The following HERC4 variants were observed in gnomAD, a reference collection of about 807,000 sequenced individuals.
HERC4 encodes the protein probable E3 ubiquitin-protein ligase HERC4.
A neutral mutation model predicts 124.3 loss-of-function variants in HERC4; 28 were observed. The ratio of observed to expected loss-of-function variants is 0.23; its 90% CI spans 0.17 to 0.31. The LOEUF is 0.31. Ranked by LOEUF, HERC4 falls within the 10% of genes least tolerant of loss-of-function variation. The pLI is 1.00. For missense variants in HERC4, 713 were observed against 1,229.3 expected (o/e 0.58, Z 6.28); for synonymous variants, 407 against 421.5 (o/e 0.97, Z 0.42).
chr10:67,994,244 C>G (rs1311431376), intron 9 of HERC4: 1 of 152,096 alleles, frequency 6.6e-6, no homozygotes, highest in Non-Finnish European at 1.5e-5. Flanking sequence ...TCTCACAAAT[C>G]TATATGGAAT....
In HERC4 at chr10:67,989,067, G is replaced by C. The variant is rs149036236; in HGVS notation, c.1634-232C>G. Among the ~76,000 whole-genome samples the C allele has an allele frequency of 4.4e-3, 667 of 152,064 alleles. 4 individuals carry two copies. Among genetic ancestry groups the C allele is most frequent in the Non-Finnish European group, 7.3e-3 (494 of 67,886 alleles). On this transcript the variant is annotated intron_variant, in intron 14 of 24. Coordinates refer to ENST00000373700, the MANE Select transcript of HERC4 (RefSeq NM_015601.4). ...TCAAAAGCAAAAATAAAGTGTGAAA[G>C]TCTTGTTGAATTTATATTCTTGGTT...
intron 15 of HERC4, among the ~76,000 whole-genome samples, chr10:67,985,566 G>C (rs898627009): frequency 1.3e-5 from 2 of 152,152 alleles, no homozygotes; most frequent in African/African-American, 4.8e-5. Context: ...AAAATAGTTT[G>C]AAAATCACTG....
intron 15 of HERC4, among the ~76,000 whole-genome samples, chr10:67,981,271 T>C (rs1028845065): frequency 1.5e-4 from 23 of 152,052 alleles, no homozygotes; most frequent in African/African-American, 5.1e-4. Context: ...ATTACAAAAG[T>C]GTAAGAAGAG....
intron 9 of HERC4, chr10:67,994,927 T>C (rs1161729841): frequency 5.5e-6 from 1 of 180,270 alleles, no homozygotes; most frequent in Non-Finnish European, 1.2e-5. Context: ...TGACCTCAAG[T>C]GATCTGCCCA....
At chr10:67,950,762 A>G (rs914836572) in intron 19 of HERC4, among the ~76,000 whole-genome samples, 1 of 152,224 alleles carries the variant, frequency 6.6e-6, no homozygotes, top group African/African-American at 2.4e-5. Flanking sequence ...AATATAGATA[A>G]GTCTATGGAT....
intron 14 of HERC4, among the ~76,000 whole-genome samples, chr10:67,989,525 T>C (rs1013684775): frequency 3.9e-5 from 6 of 152,052 alleles, no homozygotes; most frequent in African/African-American, 1.4e-4. Flanking sequence ...TTCCTCCATT[T>C]ACCCTCAGCC....
intron 8 of HERC4, among the ~76,000 whole-genome samples, chr10:68,020,964 C>T (rs983962733): frequency 6.6e-6 from 1 of 151,924 alleles, no homozygotes; most frequent in African/African-American, 2.4e-5. Flanking sequence ...CCATAGGATA[C>T]CATTAAGCAG....
intron 9 of HERC4, chr10:68,010,403 A>G: frequency 1.0e-6 from 1 of 985,886 alleles, no homozygotes; most frequent in Admixed American, 2.0e-5. Flanking sequence ...CAGCCTCAAA[A>G]TCCTCTCATG....
chr10:68,001,932 T>A (rs1564532197), intron 9 of HERC4, among the ~76,000 whole-genome samples: 1 of 152,182 alleles, frequency 6.6e-6, no homozygotes, highest in African/African-American at 2.4e-5. Context: ...AGGTATACAA[T>A]ATTTTTTTTC....
chr10:67,926,497 T>C (rs569979862), intron 23 of HERC4, among the ~76,000 whole-genome samples: 29 of 152,228 alleles, frequency 1.9e-4, no homozygotes, highest in African/African-American at 6.3e-4. Flanking sequence ...TACTGTGAAC[T>C]GTTCTTATCC....
intron 3 of HERC4, among the ~76,000 whole-genome samples, chr10:68,048,371 C>A (rs1232466114): frequency 6.6e-6 from 1 of 152,104 alleles, no homozygotes; most frequent in Admixed American, 6.5e-5. Context: ...CATGAAAAGA[C>A]ATGGAAGAAA....
At chr10:67,938,099 GT>G (rs1447497746) in intron 21 of HERC4, among the ~76,000 whole-genome samples, 1 of 152,058 alleles carries the variant, frequency 6.6e-6, no homozygotes, top group Admixed American at 6.6e-5. Flanking sequence ...TAAAGAGAAT[GT>G]TGTGTGTGTG....
intron 4 of HERC4, among the ~76,000 whole-genome samples, chr10:68,043,343 G>T (rs1270879481): frequency 6.6e-6 from 1 of 152,012 alleles, no homozygotes; most frequent in Non-Finnish European, 1.5e-5. Flanking sequence ...TTAAAATCCT[G>T]TTCTATAAGA....
In HERC4 at chr10:68,038,142, C is replaced by T. The variant is rs1338347643; in HGVS notation, c.414G>A (p.Gln138=). 4 of 1,536,104 alleles carry T rather than the reference C, an allele frequency of 2.6e-6. No individual in the cohort carries two copies. Among genetic ancestry groups the T allele is most frequent in the Admixed American group, 2.4e-5 (1 of 42,344 alleles). Residue 138 remains glutamine, a synonymous_variant, in exon 5 of 25, where the codon CAG becomes CAA. Transcript: ENST00000373700. ...AGTAACCACAAGCAACCTGTACAAT[C>T]TGGATATCTGACAAACTTTTAATAT... ...PRNIKSLSDI[Q]IVQVACGYYH... is the part of the protein sequence containing the mutation.
chr10:68,061,879 T>TAAA (rs71470503), intron 3 of HERC4, among the ~76,000 whole-genome samples: 2,129 of 54,812 alleles, frequency 0.039, 157 homozygotes, highest in African/African-American at 0.073. Context: ...AGACTCCATT[T>TAAA]AAAAAAAAAA....
At chr10:67,950,275 G>A (rs530111277) in intron 19 of HERC4, among the ~76,000 whole-genome samples, 79 of 151,904 alleles carry the variant, frequency 5.2e-4, no homozygotes, top group Non-Finnish European at 8.4e-4. Flanking sequence ...GATACATACA[G>A]GGGAGATTTT....
At chr10:68,001,401 C>T (rs867309760) in intron 9 of HERC4, among the ~76,000 whole-genome samples, 3 of 151,766 alleles carry the variant, frequency 2.0e-5, no homozygotes, top group African/African-American at 7.3e-5. Flanking sequence ...TCTTGTTTAC[C>T]CATGGCACTG....
intron 17 of HERC4, chr10:67,956,133 C>T (rs2034127390): frequency 6.6e-6 from 1 of 152,140 alleles, no homozygotes; most frequent in Admixed American, 6.6e-5. Flanking sequence ...TATTTTTAGA[C>T]TATTAAATAT....
intron 19 of HERC4, among the ~76,000 whole-genome samples, chr10:67,948,771 A>C (rs1266402779): frequency 6.6e-6 from 1 of 151,790 alleles, no homozygotes; most frequent in Admixed American, 6.6e-5. Context: ...AAATACAAAA[A>C]CTAGCTGGGC....
Sources: gnomAD v4.1 joint callset for allele counts (sites outside exome capture counted in the v4.1 genomes callset) on GRCh38, gnomAD v4.1.1 for gene constraint, MANE v1.5 for transcripts, NCBI Gene and HGNC (gene_info 2026-07-23, HGNC 2026-07-21) for gene names.